Variants in FMN1 observed in about 807,000 individuals in gnomAD.
FMN1 encodes the protein formin 1.
FMN1 carries 110 observed loss-of-function variants against 132.4 expected under a neutral mutation model. The observed-to-expected ratio is 0.83, with a 90% confidence interval of 0.71 to 0.97. The LOEUF (loss-of-function observed/expected upper bound fraction) is 0.97, where lower values mean the gene tolerates loss of function less well. FMN1 is among the 50% of genes least tolerant of loss of function. The probability of loss-of-function intolerance (pLI) is 0.00; values close to 1 mark genes in which losing one functional copy is unlikely to be tolerated. For synonymous variants in FMN1, 722 were observed against 651.7 expected, an observed-to-expected ratio of 1.11 and a Z score of -1.64; for missense variants, 1,792 against 1,705.3, an observed-to-expected ratio of 1.05 and a Z score of -0.90.
At chr15:32,869,915 A>G (rs139624178) in intron 16 of FMN1, among the ~76,000 whole-genome samples, 1 of 152,184 alleles carries the variant, frequency 6.6e-6, no homozygotes, top group Non-Finnish European at 1.5e-5. Flanking sequence ...GGTGCGGGGA[A>G]AAAGCCAGCT....
At chr15:33,015,241 G>C (rs1007411355) in intron 6 of FMN1, among the ~76,000 whole-genome samples, 2 of 152,158 alleles carry the variant, frequency 1.3e-5, no homozygotes, top group African/African-American at 4.8e-5. Context: ...AAAGTTGCTT[G>C]CTTTATCCTA....
chr15:33,001,546 ATCC>A (rs543920346), intron 7 of FMN1, among the ~76,000 whole-genome samples: 1 of 117,634 alleles, frequency 8.5e-6, no homozygotes, highest in Non-Finnish European at 1.8e-5. Context: ...GTCCCCCCTC[ATCC>A]TCCTCCTCCT....
intron 10 of FMN1, among the ~76,000 whole-genome samples, chr15:32,925,640 A>G (rs2060941458): frequency 6.6e-6 from 1 of 152,242 alleles, no homozygotes; most frequent in Non-Finnish European, 1.5e-5. Context: ...CTAACTATAA[A>G]TGAATGGATG....
chr15:32,914,527 G>C (rs1036598448), intron 10 of FMN1, among the ~76,000 whole-genome samples: 4 of 152,194 alleles, frequency 2.6e-5, no homozygotes, highest in Non-Finnish European at 4.4e-5. Flanking sequence ...ATGCCACGAT[G>C]AACCTGTAAT....
At position 32,898,836 on chromosome 15, in the gene FMN1, G is replaced by C; in HGVS notation, c.3712C>G (p.Gln1238Glu). 1 of 1,591,882 alleles carries C rather than the reference G, an allele frequency of 6.3e-7. No homozygotes were observed. The highest frequency in any genetic ancestry group is 8.6e-7 in the Non-Finnish European group (1 of 1,161,118). Reference sequence around the variant, plus strand: ...TTCCACGTAATACCATTTCTTACCTGATCATAGTAACGCAGGTAATACTTA... The same window carrying C: ...TTCCACGTAATACCATTTCTTACCTCATCATAGTAACGCAGGTAATACTTA... Reference protein sequence around the residue: ...VVKYYLRYYDQEAGTEKSVFP... With the variant: ...VVKYYLRYYDEEAGTEKSVFP... The change falls in exon 15 of 21, where the codon CAG becomes GAG. Residue 1238 changes from glutamine (Q) to glutamate (E), a missense_variant and splice_region_variant. Gln to Glu is a conservative substitution (Grantham distance 29, BLOSUM62 2). Transcript: ENST00000616417.
chr15:32,976,588 C>A (rs74012419), intron 7 of FMN1, among the ~76,000 whole-genome samples: 1 of 151,986 alleles, frequency 6.6e-6, no homozygotes, highest in Middle Eastern at 3.2e-3. Flanking sequence ...ATTTTTTTGT[C>A]CTTATCAGAA....
rs144960349 is a variant in FMN1 at position 32,808,896 on chromosome 15, T to TTA, written c.3929-4566_3929-4565dup. 4.4e-3 allele frequency among the ~76,000 whole-genome samples: 579 copies of TTA among 132,974 alleles called. 12 individuals carry two copies. Among genetic ancestry groups the TTA allele is most frequent in the African/African-American group, 0.015 (555 of 37,798 alleles). 87.2% of individuals were successfully genotyped at this position (132,974 alleles called of 152,430 possible). A position where few individuals can be genotyped will look rare whatever the true frequency, so the allele number is the denominator to read the frequency against. ...GTTGTTATCATTTATGCTCAAAACT[T>TTA]TAGTGTTTTTTTTTTTTTCATTTCA... On this transcript the variant is annotated intron_variant, in intron 17 of 20. Transcript: ENST00000616417.
intron 6 of FMN1, chr15:33,011,998 T>A (rs1288911939): frequency 1.2e-5 from 3 of 245,050 alleles, no homozygotes; most frequent in African/African-American, 6.8e-5. Context: ...GTTAAAGATA[T>A]TAATGCTTTC....
At chr15:32,851,215 C>T (rs908791012) in intron 17 of FMN1, among the ~76,000 whole-genome samples, 5 of 152,114 alleles carry the variant, frequency 3.3e-5, no homozygotes, top group Admixed American at 1.3e-4. Context: ...GCGAAATTAA[C>T]GGAGAATGAG....
intron 5 of FMN1, among the ~76,000 whole-genome samples, chr15:33,070,404 T>TTTTTTC (rs1491446174): frequency 7.1e-6 from 1 of 139,920 alleles, no homozygotes; most frequent in Non-Finnish European, 1.6e-5. Context: ...TTTTTTTTTT[T>TTTTTTC]ATGAACTGAA....
rs1034805756 is a variant in FMN1, at chr15:32,798,863, C to A, written c.4071G>T (p.Glu1357Asp). ...AAATTGTCTTGAAGTCACTGCAGAA[C>A]TCATACCACACCATAAACACGTAGC... ...TPSYVFMVWY[E>D]FCSDFKTIWK... is the part of the protein sequence containing the mutation. Residue 1357 changes from glutamate (E) to aspartate (D), a missense_variant, in exon 19 of 21, where the codon GAG (glutamate) becomes GAT (aspartate). By Grantham distance (45) the Glu-to-Asp change is conservative. This residue lies in a region of FMN1 where 1,150 missense variants were observed against 1,043.1 expected (regional missense o/e 1.10). Transcript: ENST00000616417. The A allele has an allele frequency of 1.9e-6, 3 of 1,613,656 alleles. No individual in the cohort carries two copies. The highest frequency in any genetic ancestry group is 2.5e-6 in the Non-Finnish European group (3 of 1,179,784).
intron 6 of FMN1, among the ~76,000 whole-genome samples, chr15:33,011,620 C>G (rs1029424434): frequency 6.6e-6 from 1 of 151,670 alleles, no homozygotes; most frequent in Non-Finnish European, 1.5e-5. Flanking sequence ...TAAAATATAC[C>G]ATAGAGAAAC....
chr15:33,126,155 C>T (rs1484710195), intron 4 of FMN1, among the ~76,000 whole-genome samples: 5 of 152,076 alleles, frequency 3.3e-5, no homozygotes, highest in African/African-American at 9.7e-5. Flanking sequence ...AGTTTATCCC[C>T]GGTCATGAGG....
intron 15 of FMN1, among the ~76,000 whole-genome samples, chr15:32,891,976 A>C (rs1261851302): frequency 6.6e-6 from 1 of 152,152 alleles, no homozygotes; most frequent in African/African-American, 2.4e-5. Flanking sequence ...AGGGTTTTCA[A>C]GGTAAACAAT....
At chr15:32,945,874 G>A (rs2061498620) in intron 9 of FMN1, among the ~76,000 whole-genome samples, 1 of 152,094 alleles carries the variant, frequency 6.6e-6, no homozygotes, top group African/African-American at 2.4e-5. Flanking sequence ...AAGATACTTA[G>A]GGCACCTCAC....
chr15:32,914,394 AGGCTCAC>A (rs1225556883), intron 10 of FMN1, among the ~76,000 whole-genome samples: 2 of 152,216 alleles, frequency 1.3e-5, no homozygotes, highest in Non-Finnish European at 2.9e-5. Context: ...AGCAGATAAT[AGGCTCAC>A]AAAATGTTTA....
intron 4 of FMN1, among the ~76,000 whole-genome samples, chr15:33,096,949 T>C (rs1349518017): frequency 6.6e-6 from 1 of 152,088 alleles, no homozygotes; most frequent in Non-Finnish European, 1.5e-5. Context: ...TAATGTCCCA[T>C]AGGTCACTGG....
At chr15:32,818,028 G>T (rs2058104191) in intron 17 of FMN1, among the ~76,000 whole-genome samples, 1 of 152,112 alleles carries the variant, frequency 6.6e-6, no homozygotes, top group South Asian at 2.1e-4. Context: ...ATTTGAGAAA[G>T]ATATAAATAA....
chr15:33,109,841 A>T (rs578096438), intron 4 of FMN1, among the ~76,000 whole-genome samples: 398 of 59,986 alleles, frequency 6.6e-3, no homozygotes, highest in Middle Eastern at 0.027. Context: ...AATGAAAGTT[A>T]AAAAAAAAAA....
Sources: gnomAD v4.1 joint callset for allele counts (sites outside exome capture counted in the v4.1 genomes callset) on GRCh38, gnomAD v4.1.1 for gene constraint, gnomAD v4.1.1 regional missense constraint, MANE v1.5 for transcripts, NCBI Gene and HGNC (gene_info 2026-07-23, HGNC 2026-07-21) for gene names.